The following FAT3 variants were observed in gnomAD, a reference collection of about 807,000 sequenced individuals.
FAT3 encodes protocadherin Fat 3.
In FAT3, 95 loss-of-function variants were observed where a neutral mutation model predicts 310.2. That is an observed-to-expected ratio of 0.31 (90% CI 0.26 to 0.36). The LOEUF is 0.36. FAT3 is among the 10% of genes least tolerant of loss of function. FAT3 has a pLI of 1.00. For synonymous variants in FAT3, 2,314 were observed against 2,192.9 expected (o/e 1.06, Z -1.54); for missense variants, 5,408 against 5,715.6 (o/e 0.95, Z 1.74).
At chr11:92,789,897 G>T in intron 7 of FAT3, 46 bp from the exon 8 acceptor site, 1 of 1,597,254 alleles carries the variant, frequency 6.3e-7, no homozygotes, top group South Asian at 1.1e-5. Context: ...TATTAGCAGT[G>T]AGCAAATTGG....
chr11:92,627,773 C>A (rs1463622172), intron 3 of FAT3, among the ~76,000 whole-genome samples: 1 of 152,126 alleles, frequency 6.6e-6, no homozygotes, highest in African/African-American at 2.4e-5. Flanking sequence ...TCAGTGATTA[C>A]CGTGTAGAAA....
At chr11:92,565,990 C>G (rs1373968516) in intron 3 of FAT3, among the ~76,000 whole-genome samples, 1 of 152,032 alleles carries the variant, frequency 6.6e-6, no homozygotes, top group Non-Finnish European at 1.5e-5. Context: ...ACAGGGATGC[C>G]CTCTCTCACC....
At chr11:92,641,677 C>T (rs141953720) in intron 3 of FAT3, among the ~76,000 whole-genome samples, 44 of 152,340 alleles carry the variant, frequency 2.9e-4, no homozygotes, top group African/African-American at 9.6e-4. Flanking sequence ...ATGATCTCAT[C>T]TTGAAGTCTT....
At chr11:92,587,913 G>C (rs1472329354) in intron 3 of FAT3, among the ~76,000 whole-genome samples, 4 of 151,860 alleles carry the variant, frequency 2.6e-5, no homozygotes, top group South Asian at 2.1e-4. Context: ...CTAAACAAAG[G>C]ACAAATTTGT....
intron 21 of FAT3, 65 bp downstream of exon 21, chr11:92,859,387 G>A: frequency 7.1e-7 from 1 of 1,399,942 alleles, no homozygotes. Flanking sequence ...CTCTTGGATT[G>A]GGGAACGGCT....
Position 92,890,767 on chromosome 11 carries a change from C to T in FAT3, c.13424C>T (p.Ala4475Val), listed in dbSNP as rs2136446262. Residue 4475 changes from alanine to valine, a missense_variant, in exon 28 of 28, where the codon GCC (alanine) becomes GTC (valine). By Grantham distance (64) the Ala-to-Val change is moderately conservative (BLOSUM62 0). Coordinates refer to ENST00000525166, the MANE Select transcript of FAT3 (RefSeq NM_001367949.2). ...CCACCCTCCCAGCCTGTCTCCCTGGCCAGCACACTGAGCCCAGACTGCAGG... is the reference window on the plus strand; with the variant it reads ...CCACCCTCCCAGCCTGTCTCCCTGGTCAGCACACTGAGCCCAGACTGCAGG... The part of the protein sequence containing the change: ...ALPPSQPVSL[A>V]STLSPDCRRR... 1 of 1,613,862 alleles carries T rather than the reference C, an allele frequency of 6.2e-7. No homozygotes were observed. Among genetic ancestry groups the T allele is most frequent in the Non-Finnish European group, 8.5e-7 (1 of 1,179,858 alleles).
intron 7 of FAT3, among the ~76,000 whole-genome samples, chr11:92,774,668 A>T (rs1269205897): frequency 6.6e-6 from 1 of 152,176 alleles, no homozygotes; most frequent in Admixed American, 6.5e-5. Context: ...ACTGGGATCT[A>T]GGTGTCCTGA....
At chr11:92,473,806 T>C (rs1951973698) in intron 2 of FAT3, among the ~76,000 whole-genome samples, 1 of 152,204 alleles carries the variant, frequency 6.6e-6, no homozygotes, top group African/African-American at 2.4e-5. Context: ...CTTTTATTTT[T>C]CACATAGTTA....
intron 3 of FAT3, among the ~76,000 whole-genome samples, chr11:92,598,224 A>AT (rs1265119226): frequency 3.2e-5 from 4 of 123,674 alleles, no homozygotes; most frequent in African/African-American, 1.2e-4. Flanking sequence ...ACATATATAT[A>AT]TATATATTTT....
At chr11:92,326,642 C>A (rs1043769543) in intron 1 of FAT3, among the ~76,000 whole-genome samples, 1 of 152,196 alleles carries the variant, frequency 6.6e-6, no homozygotes, top group Non-Finnish European at 1.5e-5. Context: ...TGGCTCTCCA[C>A]CAAAGGGCAT....
chr11:92,233,658 G>A (rs1864286899), intron 1 of FAT3, among the ~76,000 whole-genome samples: 1 of 151,992 alleles, frequency 6.6e-6, no homozygotes, highest in African/African-American at 2.4e-5. Flanking sequence ...ATTAACAATG[G>A]GACTTATATT....
At chr11:92,412,738 T>TATATACACAC (rs1555038595) in intron 2 of FAT3, among the ~76,000 whole-genome samples, 5 of 63,704 alleles carry the variant, frequency 7.8e-5, no homozygotes, top group African/African-American at 4.5e-4. Context: ...TATATATATA[T>TATATACACAC]ATATATAAAT....
intron 3 of FAT3, among the ~76,000 whole-genome samples, chr11:92,647,645 C>T (rs1027615431): frequency 2.6e-5 from 4 of 152,148 alleles, no homozygotes; most frequent in African/African-American, 7.2e-5. Context: ...CTACCAGGGG[C>T]TCTGGGAGAT....
At chr11:92,283,438 C>T (rs189805042) in intron 1 of FAT3, among the ~76,000 whole-genome samples, 2 of 152,244 alleles carry the variant, frequency 1.3e-5, no homozygotes, top group East Asian at 1.9e-4. Context: ...CTGGTTCTAT[C>T]GGTACACTGG....
chr11:92,397,414 C>T (rs914869690), intron 2 of FAT3, among the ~76,000 whole-genome samples: 8 of 152,280 alleles, frequency 5.3e-5, no homozygotes, highest in African/African-American at 1.9e-4. Flanking sequence ...CCCTAAGGTT[C>T]GCTTTTCCAT....
At chr11:92,255,149 A>G (rs371692189) in intron 1 of FAT3, among the ~76,000 whole-genome samples, 1 of 152,132 alleles carries the variant, frequency 6.6e-6, no homozygotes, top group East Asian at 1.9e-4. Flanking sequence ...TAATGTCCCT[A>G]TGAAGAGCAT....
At chr11:92,791,093 CA>C (rs1370713149) in intron 8 of FAT3, among the ~76,000 whole-genome samples, 7 of 152,280 alleles carry the variant, frequency 4.6e-5, no homozygotes, top group African/African-American at 1.7e-4. Flanking sequence ...AAACCTTCCC[CA>C]ACAAGAGGAA....
rs1947313668 is a variant in FAT3 at position 92,800,654 on chromosome 11, C to G, written c.7641C>G (p.Asp2547Glu). ...NDFAKDRFLI[D>E]SNGQVITTER... ...TTGCCAAGGATCGATTCCTCATAGA[C>G]AGCAATGGGCAGGTCATCACCACAG... Residue 2547 changes from aspartate to glutamate, a missense_variant, in exon 10 of 28, where the codon GAC becomes GAG. Asp to Glu is a conservative substitution (Grantham distance 45). Around this residue, in one of 5 missense-constraint regions of FAT3, gnomAD observed 4,588 missense variants for 4,809.8 expected, o/e 0.95. Transcript: ENST00000525166. 1 of 1,613,750 alleles carries G rather than the reference C, an allele frequency of 6.2e-7. No individual in the cohort carries two copies. Among genetic ancestry groups the G allele is most frequent in the Non-Finnish European group, 8.5e-7 (1 of 1,179,802 alleles).
intron 19 of FAT3, among the ~76,000 whole-genome samples, chr11:92,851,628 C>T (rs977279167): frequency 2.6e-5 from 4 of 152,132 alleles, no homozygotes; most frequent in Non-Finnish European, 5.9e-5. Flanking sequence ...TCTGATCCTG[C>T]CCTGACATAC....
Sources: gnomAD v4.1 joint callset for allele counts (sites outside exome capture counted in the v4.1 genomes callset) on GRCh38, gnomAD v4.1.1 for gene constraint, gnomAD v4.1.1 regional missense constraint, MANE v1.5 for transcripts, NCBI Gene and HGNC (gene_info 2026-07-23, HGNC 2026-07-21) for gene names.